Variants in FRMD5 observed in about 807,000 individuals in gnomAD.
The protein encoded by FRMD5 is FERM domain-containing protein 5.
Under a neutral mutation model 69.0 loss-of-function variants are expected in FRMD5, and 20 were observed. The ratio of observed to expected loss-of-function variants is 0.29; its 90% confidence interval spans 0.20 to 0.42. The LOEUF is 0.42. FRMD5 is among the 10% of genes least tolerant of loss of function. FRMD5 has a pLI of 1.00. For synonymous variants in FRMD5, 271 were observed against 260.1 expected, an observed-to-expected ratio of 1.04 and a Z score of -0.40; for missense variants, 595 against 708.6, an observed-to-expected ratio of 0.84 and a Z score of 1.82.
At chr15:43,937,644 C>CAAAA (rs58803908) in intron 1 of FRMD5, among the ~76,000 whole-genome samples, 1 of 60,474 alleles carries the variant, frequency 1.7e-5, no homozygotes, top group Non-Finnish European at 3.6e-5. Context: ...GACACTGTCT[C>CAAAA]AAAAAAAAAA....
intron 1 of FRMD5, among the ~76,000 whole-genome samples, chr15:43,998,403 C>T (rs554345309): frequency 1.3e-5 from 2 of 152,244 alleles, no homozygotes; most frequent in South Asian, 4.1e-4. Context: ...CAAATCTCTG[C>T]ACAGGTGACC....
intron 1 of FRMD5, among the ~76,000 whole-genome samples, chr15:44,107,585 T>C (rs547204214): frequency 6.6e-6 from 1 of 152,122 alleles, no homozygotes; most frequent in Non-Finnish European, 1.5e-5. Flanking sequence ...AAAGGTTATA[T>C]GATTAGAGGG....
chr15:43,932,519 T>C (rs1422715472), intron 1 of FRMD5, among the ~76,000 whole-genome samples: 2 of 152,110 alleles, frequency 1.3e-5, no homozygotes, highest in Non-Finnish European at 2.9e-5. Context: ...GCTCCTGACA[T>C]GCTCCCTAGA....
chr15:44,172,573 C>T (rs2140533550), intron 1 of FRMD5, among the ~76,000 whole-genome samples: 2 of 152,124 alleles, frequency 1.3e-5, no homozygotes, highest in South Asian at 4.2e-4. Flanking sequence ...TGAAAACTAG[C>T]CTCTAGTTTC....
chr15:44,001,339 T>G (rs1890201729), intron 1 of FRMD5, among the ~76,000 whole-genome samples: 1 of 152,234 alleles, frequency 6.6e-6, no homozygotes, highest in South Asian at 2.1e-4. Context: ...TATAAATATT[T>G]TCTCCCATTC....
chr15:44,165,736 G>A (rs2077698218), intron 1 of FRMD5, among the ~76,000 whole-genome samples: 1 of 151,968 alleles, frequency 6.6e-6, no homozygotes, highest in Admixed American at 6.6e-5. Flanking sequence ...TTGGGAGGCC[G>A]AGGTGAAAGG....
At chr15:43,989,272 C>G (rs778943497) in intron 1 of FRMD5, 2 of 787,566 alleles carry the variant, frequency 2.5e-6, no homozygotes, top group Admixed American at 1.7e-5. Context: ...GCCAGGGTAC[C>G]TGGTGGTGCC....
chr15:43,956,839 T>C (rs775864900), intron 1 of FRMD5, among the ~76,000 whole-genome samples: 37 of 152,364 alleles, frequency 2.4e-4, no homozygotes, highest in African/African-American at 7.2e-4. Context: ...TAGCTGGCCA[T>C]TGGTTAGACA....
chr15:43,952,016 G>C (rs1188452215), intron 1 of FRMD5, among the ~76,000 whole-genome samples: 1 of 150,158 alleles, frequency 6.7e-6, no homozygotes, highest in Non-Finnish European at 1.5e-5. Flanking sequence ...GTGTGTGTGT[G>C]TGTGTGTGTG....
chr15:44,000,392 A>G (rs1381219731), intron 1 of FRMD5, among the ~76,000 whole-genome samples: 1 of 151,954 alleles, frequency 6.6e-6, no homozygotes, highest in Non-Finnish European at 1.5e-5. Flanking sequence ...GAGTGCAGAC[A>G]TCTCTTCAAC....
intron 1 of FRMD5, among the ~76,000 whole-genome samples, chr15:44,075,558 G>C (rs1038261159): frequency 6.6e-6 from 1 of 151,744 alleles, no homozygotes; most frequent in East Asian, 1.9e-4. Flanking sequence ...ATAAATATAG[G>C]GAATTTCTCC....
chr15:43,965,014 G>C (rs548605754), intron 1 of FRMD5, among the ~76,000 whole-genome samples: 2 of 152,238 alleles, frequency 1.3e-5, no homozygotes, highest in South Asian at 2.1e-4. Flanking sequence ...GGATTGAAGG[G>C]AAGTCTCCAA....
In FRMD5 at chr15:43,962,493, T is replaced by C. The variant is rs532478137; in HGVS notation, c.103-38184A>G. Among the ~76,000 whole-genome samples, 36 of 152,320 alleles carry C rather than the reference T, an allele frequency of 2.4e-4. No individual in the cohort carries two copies. In the East Asian group the frequency reaches 5.6e-3, roughly 24 times the overall value. On this transcript the variant is annotated intron_variant, in intron 1 of 13. Transcript: ENST00000417257. ...TGGCCATACTGCCCAAGGTAATTTA[T>C]GGATTCAATGCCATCCCCATCAAGC...
At chr15:44,150,240 A>G (rs1381696075) in intron 1 of FRMD5, among the ~76,000 whole-genome samples, 1 of 152,194 alleles carries the variant, frequency 6.6e-6, no homozygotes, top group African/African-American at 2.4e-5. Context: ...CTTTAAGATC[A>G]GGAACAAGGC....
chr15:44,168,351 G>T lies in FRMD5; in HGVS notation c.102+26602C>A, dbSNP rs146464548. On this transcript the variant is annotated intron_variant, in intron 1 of 13. Transcript: ENST00000417257. ...AAAGTCAGACTAGACTGTGACTAAG[G>T]GCCTTTATGAATTTAGGATCCTTTC... Among the ~76,000 whole-genome samples, 601 of 152,184 alleles carry T rather than the reference G, an allele frequency of 3.9e-3. 5 individuals are homozygous for T. Among genetic ancestry groups the T allele is most frequent in the African/African-American group, 0.014 (562 of 41,502 alleles).
At chr15:44,099,567 G>A (rs545190498) in intron 1 of FRMD5, among the ~76,000 whole-genome samples, 2 of 152,220 alleles carry the variant, frequency 1.3e-5, no homozygotes, top group East Asian at 3.9e-4. Flanking sequence ...GTGAATTTGG[G>A]ATTCTTGGCC....
At chr15:43,968,281 T>C (rs773621472) in intron 1 of FRMD5, among the ~76,000 whole-genome samples, 7 of 152,300 alleles carry the variant, frequency 4.6e-5, no homozygotes, top group African/African-American at 1.7e-4. Flanking sequence ...GCCTAGGTGA[T>C]ATTTTTAAGA....
intron 4 of FRMD5, among the ~76,000 whole-genome samples, chr15:43,918,012 C>CT (rs1421877833): frequency 6.6e-6 from 1 of 152,240 alleles, no homozygotes; most frequent in African/African-American, 2.4e-5. Flanking sequence ...GTCCCACTTC[C>CT]TTGTTGCCTT....
At chr15:44,092,318 A>G (rs1340046087) in intron 1 of FRMD5, among the ~76,000 whole-genome samples, 1 of 152,006 alleles carries the variant, frequency 6.6e-6, no homozygotes, top group African/African-American at 2.4e-5. Context: ...TTCACCTCCA[A>G]ATTGGTCTCA....
Sources: gnomAD v4.1 joint callset for allele counts (sites outside exome capture counted in the v4.1 genomes callset) on GRCh38, gnomAD v4.1.1 for gene constraint, MANE v1.5 for transcripts, NCBI Gene and HGNC (gene_info 2026-07-23, HGNC 2026-07-21) for gene names.